Variants in PCDHA4 observed in about 807,000 individuals in gnomAD.
The protein encoded by PCDHA4 is protocadherin alpha 4.
Under a neutral mutation model 61.4 loss-of-function variants are expected in PCDHA4, and 49 were observed. The ratio of observed to expected loss-of-function variants is 0.80; its 90% CI spans 0.63 to 1.01. PCDHA4 has a LOEUF of 1.01. Ranked by LOEUF, PCDHA4 falls within the 50% of genes least tolerant of loss-of-function variation. The pLI is 0.00. For missense variants in PCDHA4, 1,254 were observed against 1,235.8 expected (o/e 1.01, Z -0.22); for synonymous variants, 590 against 550.3 (o/e 1.07, Z -1.01).
At chr5:140,822,537 A>T (rs2150117111) in intron 1 of PCDHA4, 1 of 1,613,856 alleles carries the variant, frequency 6.2e-7, no homozygotes, top group East Asian at 2.2e-5. Context: ...TGGAAAATGC[A>T]CCAAGTGGGA....
At position 140,875,993 on chromosome 5, in the gene PCDHA4, T is replaced by G. The variant is rs574636926; in HGVS notation, c.2385+66421T>G. On this transcript the variant is annotated intron_variant, in intron 1 of 3. Coordinates refer to ENST00000530339, the MANE Select transcript of PCDHA4 (RefSeq NM_018907.4). The stretch of plus-strand genomic sequence containing the variant: ...TCTCTTTTGACCTATGCGTTAAGTC[T>G]AAATGAGAATTTTGAGCTTAAAATA... The G allele has an allele frequency of 3.5e-4, 564 of 1,613,988 alleles. 6 individuals are homozygous for G. In the South Asian group the frequency reaches 5.9e-3, roughly 17 times the overall value.
intron 1 of PCDHA4, among the ~76,000 whole-genome samples, chr5:140,964,638 A>T (rs1402541821): frequency 3.9e-5 from 6 of 152,098 alleles, no homozygotes; most frequent in Admixed American, 2.0e-4. Context: ...ATTTATTTTC[A>T]GAAACAAGTA....
At chr5:140,883,471 C>G (rs781812025) in intron 1 of PCDHA4, 4 of 1,614,182 alleles carry the variant, frequency 2.5e-6, no homozygotes, top group Non-Finnish European at 3.4e-6. Flanking sequence ...TGTCCACCTA[C>G]AAGAACTACT....
At chr5:140,920,812 C>T (rs575249440) in intron 1 of PCDHA4, among the ~76,000 whole-genome samples, 126 of 151,392 alleles carry the variant, frequency 8.3e-4, no homozygotes, top group Admixed American at 2.4e-3. Flanking sequence ...CCACTGCACT[C>T]CAGCCTGGCG....
intron 1 of PCDHA4, chr5:140,851,252 G>A: frequency 9.2e-7 from 1 of 1,089,164 alleles, no homozygotes; most frequent in Non-Finnish European, 1.2e-6. Flanking sequence ...ATGATGCATA[G>A]TATTTTAGTC....
intron 1 of PCDHA4, among the ~76,000 whole-genome samples, chr5:140,939,008 T>C (rs1348323675): frequency 6.6e-6 from 1 of 152,234 alleles, no homozygotes; most frequent in Non-Finnish European, 1.5e-5. Context: ...TTAAGAAGTG[T>C]TACTTTTCTT....
At chr5:140,922,254 T>G (rs2080741873) in intron 1 of PCDHA4, among the ~76,000 whole-genome samples, 1 of 152,228 alleles carries the variant, frequency 6.6e-6, no homozygotes, top group East Asian at 1.9e-4. Context: ...GATAAGTTAC[T>G]AAGTGCCATG....
At chr5:140,894,947 A>G (rs1257936552) in intron 1 of PCDHA4, among the ~76,000 whole-genome samples, 1 of 152,178 alleles carries the variant, frequency 6.6e-6, no homozygotes, top group Non-Finnish European at 1.5e-5. Flanking sequence ...TTGTCATGAA[A>G]TGATAAAAAT....
intron 1 of PCDHA4, among the ~76,000 whole-genome samples, chr5:140,838,401 G>A (rs1214374292): frequency 2.6e-5 from 4 of 151,340 alleles, no homozygotes; most frequent in African/African-American, 9.8e-5. Flanking sequence ...TGGGATTACA[G>A]GAGTGAGCCA....
At position 140,997,702 on chromosome 5, in the gene PCDHA4, T is replaced by A. The variant is rs548432387; in HGVS notation, c.2534-11925T>A. Reference sequence around the variant, plus strand: ...TGTGTGTGTGTGTGTGTGTGTATGTTAACAAACACCTTTCTACGTCAGTAC... The same window carrying A: ...TGTGTGTGTGTGTGTGTGTGTATGTAAACAAACACCTTTCTACGTCAGTAC... On this transcript the variant is annotated intron_variant, in intron 3 of 3. Coordinates refer to ENST00000530339, the MANE Select transcript of PCDHA4 (RefSeq NM_018907.4). 1.4e-3 allele frequency among the ~76,000 whole-genome samples: 209 copies of A among 150,856 alleles called. 1 individual carries two copies. The highest frequency in any genetic ancestry group is 4.8e-3 in the African/African-American group (199 of 41,058).
At chr5:140,980,684 GAAAA>G (rs782726576) in intron 2 of PCDHA4, among the ~76,000 whole-genome samples, 3 of 145,064 alleles carry the variant, frequency 2.1e-5, no homozygotes, top group Non-Finnish European at 4.6e-5. Flanking sequence ...TTTTCAAATT[GAAAA>G]AAAAAAGCCA....
At chr5:140,828,366 G>A (rs1554131260) in intron 1 of PCDHA4, 6 of 1,614,164 alleles carry the variant, frequency 3.7e-6, no homozygotes, top group African/African-American at 1.3e-5. Flanking sequence ...CGGATCGACC[G>A]CGAGGAGCTG....
At chr5:140,853,843 C>T (rs2042882869) in intron 1 of PCDHA4, 1 of 986,310 alleles carries the variant, frequency 1.0e-6, no homozygotes, top group African/African-American at 1.8e-5. Flanking sequence ...ATTTTAGATC[C>T]ATAGCCCTAT....
intron 1 of PCDHA4, chr5:140,869,210 C>A (rs781978731): frequency 1.7e-5 from 28 of 1,613,814 alleles, no homozygotes; most frequent in African/African-American, 1.5e-4. Context: ...TACTCCGTCT[C>A]GGAGGAGGCC....
In PCDHA4 at chr5:141,011,084, C is replaced by T. The variant is rs928216799; in HGVS notation, c.*1147C>T. 1.3e-5 allele frequency: 2 copies of T among 153,722 alleles called. No homozygotes were observed. The highest frequency in any genetic ancestry group is 6.5e-5 in the Admixed American group (1 of 15,272). The allele number at this position is 153,722 out of a possible 1,614,324, so 9.5% of individuals were successfully genotyped here. A position where few individuals can be genotyped will look rare whatever the true frequency, so the allele number is the denominator to read the frequency against. ...CATGTATTACTAAATAAAATGATCT[C>T]TCTTTCTCTCTCTCTCTCTCTTTTC... On this transcript the variant is annotated 3_prime_UTR_variant, in exon 4 of 4. Coordinates refer to ENST00000530339, the MANE Select transcript of PCDHA4 (RefSeq NM_018907.4).
intron 1 of PCDHA4, among the ~76,000 whole-genome samples, chr5:140,831,758 T>A (rs138346265): frequency 6.6e-6 from 1 of 152,244 alleles, no homozygotes; most frequent in Non-Finnish European, 1.5e-5. Flanking sequence ...CGCTACCAAT[T>A]TTGTTTTGTG....
At chr5:140,822,822 G>A (rs2150119686) in intron 1 of PCDHA4, 2 of 1,614,028 alleles carry the variant, frequency 1.2e-6, no homozygotes, top group African/African-American at 1.3e-5. Context: ...CCCCAGAGAT[G>A]GCCATAACCA....
At chr5:141,001,624 CG>C (rs1335079944) in intron 3 of PCDHA4, among the ~76,000 whole-genome samples, 1 of 151,678 alleles carries the variant, frequency 6.6e-6, no homozygotes, top group African/African-American at 2.4e-5. Context: ...AAAGGACTGG[CG>C]GGGGTTGGGG....
intron 3 of PCDHA4, among the ~76,000 whole-genome samples, chr5:140,992,671 T>C (rs932477687): frequency 1.3e-5 from 2 of 152,116 alleles, no homozygotes; most frequent in African/African-American, 4.8e-5. Context: ...GGTGTGTATG[T>C]GTGTGTTAGG....
Sources: gnomAD v4.1 joint callset for allele counts (sites outside exome capture counted in the v4.1 genomes callset) on GRCh38, gnomAD v4.1.1 for gene constraint, MANE v1.5 for transcripts, NCBI Gene and HGNC (gene_info 2026-07-23, HGNC 2026-07-21) for gene names.